Variants in IFT81 observed in about 807,000 individuals in gnomAD.
The protein encoded by IFT81 is intraflagellar transport 81, also known as intraflagellar transport protein 81 homolog.
Under a neutral mutation model 102.6 loss-of-function variants are expected in IFT81, and 72 were observed. That is an observed-to-expected ratio of 0.70 (90% CI 0.58 to 0.85). IFT81 has a LOEUF of 0.85. Ranked by LOEUF, IFT81 falls within the 40% of genes least tolerant of loss-of-function variation. The probability of loss-of-function intolerance (pLI) is 0.00; values close to 1 mark genes in which losing one functional copy is unlikely to be tolerated. For missense variants in IFT81, 723 were observed against 787.3 expected (o/e 0.92, Z 0.98); for synonymous variants, 237 against 242.7 (o/e 0.98, Z 0.22).
At chr12:110,207,884 A>T (rs1400019475) in intron 17 of IFT81, among the ~76,000 whole-genome samples, 1 of 152,152 alleles carries the variant, frequency 6.6e-6, no homozygotes, top group Admixed American at 6.5e-5. Flanking sequence ...CTTAAATAGT[A>T]TTGAAATATA....
At chr12:110,138,856 C>T (rs1894675158) in intron 8 of IFT81, among the ~76,000 whole-genome samples, 1 of 152,158 alleles carries the variant, frequency 6.6e-6, no homozygotes. Context: ...AGTTTGCTGA[C>T]ATCTTAGTGA....
chr12:110,179,808 T>A (rs1269466060), intron 11 of IFT81, among the ~76,000 whole-genome samples: 6 of 91,096 alleles, frequency 6.6e-5, no homozygotes, highest in Non-Finnish European at 1.2e-4. Flanking sequence ...ACACACACAT[T>A]TTATATGTAT....
chr12:110,215,924 T>C (rs931655571), intron 18 of IFT81, among the ~76,000 whole-genome samples: 1 of 151,144 alleles, frequency 6.6e-6, no homozygotes, highest in Non-Finnish European at 1.5e-5. Flanking sequence ...GATTTTGGCT[T>C]ATTTAATAGT....
At position 110,192,717 on chromosome 12, in the gene IFT81, G is replaced by T. The variant is rs746079364; in HGVS notation, c.1557+11G>T. The T allele has an allele frequency of 6.9e-6, 10 of 1,448,020 alleles. No individual in the cohort carries two copies. The East Asian group carries it at 7.0e-5, about 10-fold the overall frequency. 89.7% of individuals were successfully genotyped at this position (1,448,020 alleles called of 1,614,324 possible). ...CGTCAAAAATATCAAGTAAGTTTTT[G>T]ATTTTATCAAGTAATTTGATTTTAT... is the stretch of plus-strand genomic sequence containing the variant. On this transcript the variant is annotated intron_variant, in intron 14 of 18. Coordinates refer to ENST00000242591, the MANE Select transcript of IFT81 (RefSeq NM_014055.4).
intron 7 of IFT81, among the ~76,000 whole-genome samples, chr12:110,136,131 T>A (rs1453537967): frequency 2.0e-5 from 3 of 152,222 alleles, no homozygotes; most frequent in Non-Finnish European, 4.4e-5. Flanking sequence ...TGCAGTTTAC[T>A]ACAATGGCAA....
intron 11 of IFT81, among the ~76,000 whole-genome samples, chr12:110,178,621 C>CTT (rs893177808): frequency 1.6e-5 from 2 of 127,250 alleles, no homozygotes; most frequent in Non-Finnish European, 3.3e-5. Flanking sequence ...GGCTAAGATT[C>CTT]TTTTTTTTTT....
chr12:110,170,017 A>T (rs1896660495), intron 11 of IFT81, among the ~76,000 whole-genome samples: 1 of 151,342 alleles, frequency 6.6e-6, no homozygotes. Flanking sequence ...CAGTGGTGCG[A>T]TCTTGGCTCA....
At chr12:110,154,066 C>G (rs993173980) in intron 10 of IFT81, among the ~76,000 whole-genome samples, 10 of 152,092 alleles carry the variant, frequency 6.6e-5, no homozygotes, top group African/African-American at 2.4e-4. Flanking sequence ...TCACGGCAAC[C>G]TCCGCCTCCT....
chr12:110,131,011 A>C (rs1387096416), intron 4 of IFT81, among the ~76,000 whole-genome samples: 1 of 152,160 alleles, frequency 6.6e-6, no homozygotes, highest in Non-Finnish European at 1.5e-5. Flanking sequence ...GGCCAGGCAC[A>C]GTGTCTCATG....
At chr12:110,180,678 T>A in intron 12 of IFT81, 107 bp downstream of exon 12, 4 of 740,780 alleles carry the variant, frequency 5.4e-6, no homozygotes, top group Middle Eastern at 3.1e-4. Context: ...GATAAAAGTA[T>A]TACTTTTCTC....
intron 10 of IFT81, among the ~76,000 whole-genome samples, chr12:110,161,286 A>G (rs905252451): frequency 2.0e-5 from 3 of 148,634 alleles, no homozygotes; most frequent in Non-Finnish European, 4.5e-5. Context: ...GACCACAGGT[A>G]CACGCCACCA....
chr12:110,134,007 AT>A (rs532853088), intron 5 of IFT81, among the ~76,000 whole-genome samples: 13 of 149,196 alleles, frequency 8.7e-5, no homozygotes, highest in East Asian at 3.9e-4. Flanking sequence ...TTATTTTAAG[AT>A]TTTTTTTTTT....
At chr12:110,137,410 A>T (rs1445529865) in intron 8 of IFT81, among the ~76,000 whole-genome samples, 1 of 152,070 alleles carries the variant, frequency 6.6e-6, no homozygotes, top group Non-Finnish European at 1.5e-5. Flanking sequence ...ACAACTGTGG[A>T]GGGAGGCTGT....
rs895503634 is a variant in IFT81 at position 110,124,369 on chromosome 12, C to G, written c.-514C>G. 1.3e-4 allele frequency: 20 copies of G among 152,070 alleles called. No individual in the cohort carries two copies. Among genetic ancestry groups the G allele is most frequent in the African/African-American group, 4.6e-4 (19 of 41,502 alleles). 9.4% of individuals were successfully genotyped at this position (152,070 alleles called of 1,614,324 possible). A position where few individuals can be genotyped will look rare whatever the true frequency, so the allele number is the denominator to read the frequency against. ...CGGCCTAGCAACCGTTGCCAAGGAG[C>G]TCGACTCTGGGAGCGGTCTAGAGCC... On this transcript the variant is annotated 5_prime_UTR_variant, in exon 1 of 19. Coordinates refer to ENST00000242591, the MANE Select transcript of IFT81 (RefSeq NM_014055.4).
At chr12:110,179,773 T>TATATATATATAC (rs774113734) in intron 11 of IFT81, among the ~76,000 whole-genome samples, 1 of 50,486 alleles carries the variant, frequency 2.0e-5, no homozygotes, top group Non-Finnish European at 4.1e-5. Flanking sequence ...TATATATATA[T>TATATATATATAC]ACACACACAC....
chr12:110,164,161 T>A (rs1896310186), intron 11 of IFT81, among the ~76,000 whole-genome samples: 1 of 152,304 alleles, frequency 6.6e-6, no homozygotes, highest in East Asian at 1.9e-4. Flanking sequence ...TAAAAAAATA[T>A]AATTGTGTCT....
intron 3 of IFT81, among the ~76,000 whole-genome samples, 196 bp downstream of exon 3, chr12:110,128,345 A>G (rs1893965682): frequency 6.6e-6 from 1 of 150,770 alleles, no homozygotes; most frequent in East Asian, 1.9e-4. Flanking sequence ...CTTTGCCTTA[A>G]TCAAACTGTC....
At chr12:110,187,665 G>C (rs572859372) in intron 12 of IFT81, among the ~76,000 whole-genome samples, 7 of 152,206 alleles carry the variant, frequency 4.6e-5, no homozygotes, top group Non-Finnish European at 8.8e-5. Context: ...TTAAATTTTA[G>C]AAGCTCTGAC....
chr12:110,169,027 T>TCCTC (rs1555264545), intron 11 of IFT81: 24 of 33,760 alleles, frequency 7.1e-4, no homozygotes, highest in African/African-American at 1.7e-3. Flanking sequence ...CTTCCTCCCT[T>TCCTC]CCTTCCTTCC....
Sources: allele counts gnomAD v4.1 joint callset (sites outside exome capture counted in the v4.1 genomes callset), GRCh38; gene constraint gnomAD v4.1.1; transcripts MANE v1.5; gene names NCBI Gene and HGNC (gene_info 2026-07-23, HGNC 2026-07-21).